The following SIRPA variants were observed in gnomAD, a reference collection of about 807,000 sequenced individuals.
The protein encoded by SIRPA is signal regulatory protein alpha.
A neutral mutation model predicts 50.3 loss-of-function variants in SIRPA; 9 were observed. The observed-to-expected ratio is 0.18, with a 90% CI of 0.11 to 0.31. The LOEUF (loss-of-function observed/expected upper bound fraction) is 0.31. SIRPA is among the 10% of genes least tolerant of loss of function. The probability of loss-of-function intolerance (pLI) is 1.00; values close to 1 mark genes in which losing one functional copy is unlikely to be tolerated. For missense variants in SIRPA, 474 were observed against 661.6 expected, an observed-to-expected ratio of 0.72 and a Z score of 3.11; for synonymous variants, 265 against 284.1, an observed-to-expected ratio of 0.93 and a Z score of 0.68.
chr20:1,937,406 G>A lies in SIRPA; in HGVS notation c.1353G>A (p.Thr451=), dbSNP rs149536101. 3.8e-4 allele frequency: 620 copies of A among 1,614,094 alleles called. 8 individuals are homozygous for A. In the South Asian group the frequency reaches 5.0e-3, roughly 13 times the overall value. ...APQAAEPNNH[T]EYASIQTSPQ... ...AGGCTGCGGAGCCCAACAACCACAC[G>A]GAGTATGCCAGCATTCAGACCAGCC... The change falls in exon 8 of 8, where the codon ACG becomes ACA. Residue 451 remains threonine (T), a synonymous_variant. Transcript: ENST00000358771. This position sits in a 1 kb window ranked among gnomAD's most constrained non-coding sequence, Gnocchi z 8.3.
In SIRPA at chr20:1,898,791, C is replaced by G. The variant is rs1475525917; in HGVS notation, c.79+3265C>G. ...GGTTTTGATGAAGTCACAGGCATTTCTCTGAAAGCCTGCTGAGGGTGGAAA... is the reference window on the plus strand; with the variant it reads ...GGTTTTGATGAAGTCACAGGCATTTGTCTGAAAGCCTGCTGAGGGTGGAAA... On this transcript the variant is annotated intron_variant, in intron 1 of 7. Transcript: ENST00000358771. This position sits in a 1 kb window ranked among gnomAD's most constrained non-coding sequence, Gnocchi z 4.3. 6.6e-6 allele frequency among the ~76,000 whole-genome samples: 1 copy of G among 152,006 alleles called. No individual in the cohort carries two copies. The highest frequency in any genetic ancestry group is 1.5e-5 in the Non-Finnish European group (1 of 68,028).
At position 1,928,353 on chromosome 20, in the gene SIRPA, C is replaced by T. The variant is rs1416003769; in HGVS notation, c.1226+454C>T. ...ATAGAATCTGTGCCCTCTGCAAGCT[C>T]ACAGCCTGGTCAGAGGCTCAGACGG... On this transcript the variant is annotated intron_variant, in intron 6 of 7. Transcript: ENST00000358771. This position sits in a 1 kb window ranked among gnomAD's most constrained non-coding sequence, Gnocchi z 4.9. Among the ~76,000 whole-genome samples the T allele has an allele frequency of 2.0e-5, 3 of 152,184 alleles. No homozygotes were observed. Among genetic ancestry groups the T allele is most frequent in the African/African-American group, 4.8e-5 (2 of 41,440 alleles).
At chr20:1,930,740 G>A (rs1222696917) in intron 6 of SIRPA, among the ~76,000 whole-genome samples, 3 of 152,078 alleles carry the variant, frequency 2.0e-5, no homozygotes, top group Admixed American at 6.6e-5. Context: ...ACAGGCATGC[G>A]CCACCACCCC....
In SIRPA at chr20:1,932,086, AG is replaced by A. The variant is rs1687387711; in HGVS notation, c.1227-2628del. 6.6e-6 allele frequency among the ~76,000 whole-genome samples: 1 copy of A among 152,120 alleles called. No individual in the cohort carries two copies. Among genetic ancestry groups the A allele is most frequent in the Non-Finnish European group, 1.5e-5 (1 of 68,028 alleles). On this transcript the variant is annotated intron_variant, in intron 6 of 7. Coordinates refer to ENST00000358771, the MANE Select transcript of SIRPA (RefSeq NM_001040023.2). The surrounding 1 kb of genome is among the most constrained non-coding windows in gnomAD (Gnocchi z 6.0). ...CATTCATTCATTCATTCATTCATTC[AG>A]CAAATACATATGGACTGCTGACGAT...
upstream of SIRPA, chr20:1,895,403 G>T: frequency 8.4e-7 from 1 of 1,190,670 alleles, no homozygotes; most frequent in Non-Finnish European, 1.1e-6. Context: ...CCGCCCGAGC[G>T]CGCACTCACG....
chr20:1,901,088 C>T (rs6111906), intron 1 of SIRPA, among the ~76,000 whole-genome samples: 35,644 of 151,478 alleles, frequency 0.24, 5,227 homozygotes, highest in African/African-American at 0.41. Context: ...GAAACTGAGG[C>T]CCAGTTGTGC....
chr20:1,935,055 C>T (rs1293840847), intron 7 of SIRPA, among the ~76,000 whole-genome samples: 2 of 151,820 alleles, frequency 1.3e-5, no homozygotes, highest in African/African-American at 2.4e-5. Flanking sequence ...TAGTGTGGAT[C>T]GTGCCTTCCC....
At chr20:1,935,546 G>A (rs1986528272) in intron 7 of SIRPA, among the ~76,000 whole-genome samples, 1 of 152,244 alleles carries the variant, frequency 6.6e-6, no homozygotes, top group Non-Finnish European at 1.5e-5. Flanking sequence ...TGTGACCCAT[G>A]GGGTCCCCCC....
chr20:1,894,705 G>A (rs1465097578), upstream of SIRPA: 1 of 148,936 alleles, frequency 6.7e-6, no homozygotes, highest in Non-Finnish European at 1.5e-5. This position sits in a 1 kb window ranked among gnomAD's most constrained non-coding sequence, Gnocchi z 4.0. Context: ...GCCGGCGCGG[G>A]GGAGGACGCT....
intron 1 of SIRPA, among the ~76,000 whole-genome samples, chr20:1,912,020 C>T (rs543513305): frequency 2.6e-5 from 4 of 151,862 alleles, no homozygotes; most frequent in East Asian, 1.9e-4. Context: ...TTGGCACTTA[C>T]GTCGCACTTT....
intron 1 of SIRPA, among the ~76,000 whole-genome samples, chr20:1,896,409 A>C (rs1983824816): frequency 8.3e-6 from 1 of 119,766 alleles, no homozygotes; most frequent in East Asian, 2.8e-4. Context: ...TGCTTCTTAA[A>C]TGGGTTTTGC....
chr20:1,897,436 C>G (rs1983897780), intron 1 of SIRPA, among the ~76,000 whole-genome samples: 1 of 152,212 alleles, frequency 6.6e-6, no homozygotes, highest in East Asian at 1.9e-4. Flanking sequence ...GGGTCCTGGT[C>G]ACACCATGGG....
At chr20:1,902,739 C>T (rs920012500) in intron 1 of SIRPA, among the ~76,000 whole-genome samples, 3 of 152,146 alleles carry the variant, frequency 2.0e-5, no homozygotes, top group Admixed American at 6.5e-5. Flanking sequence ...AGGCCAGGTG[C>T]GGTGGCTCAC....
chr20:1,911,961 A>AC, intron 1 of SIRPA, among the ~76,000 whole-genome samples: 1 of 151,070 alleles, frequency 6.6e-6, no homozygotes, highest in African/African-American at 2.4e-5. Flanking sequence ...AAAAAAAAAA[A>AC]CCCCTCTCTA....
chr20:1,923,014 C>G (rs1366484229), intron 4 of SIRPA, among the ~76,000 whole-genome samples: 1 of 79,720 alleles, frequency 1.3e-5, no homozygotes, highest in East Asian at 2.5e-4. Flanking sequence ...TGCCTCATCT[C>G]CCTGGCTGCC....
rs1252028389 is a variant in SIRPA, at chr20:1,927,171, G to A, written c.1202-704G>A. Among the ~76,000 whole-genome samples, 1 of 152,188 alleles carries A rather than the reference G, an allele frequency of 6.6e-6. No homozygotes were observed. The highest frequency in any genetic ancestry group is 1.5e-5 in the Non-Finnish European group (1 of 68,042). ...GGCAGCCTCCAGCCTATTAAAGTGC[G>A]GTGCAGAGTGCATTTGGGTGTGCAT... On this transcript the variant is annotated intron_variant, in intron 5 of 7. Coordinates refer to ENST00000358771, the MANE Select transcript of SIRPA (RefSeq NM_001040023.2). The surrounding 1 kb of genome is among the most constrained non-coding windows in gnomAD (Gnocchi z 6.5).
At chr20:1,895,772 A>G (rs1232518512) in intron 1 of SIRPA, among the ~76,000 whole-genome samples, 2 of 152,212 alleles carry the variant, frequency 1.3e-5, no homozygotes, top group African/African-American at 4.8e-5. Context: ...GACTCTGTGC[A>G]CTGTGCTGGG....
chr20:1,910,899 G>A (rs6035035), intron 1 of SIRPA, among the ~76,000 whole-genome samples: 105,764 of 151,984 alleles, frequency 0.7, 37,803 homozygotes, highest in African/African-American at 0.87. Context: ...TCATACAGAG[G>A]GTATAGATTT....
intron 1 of SIRPA, among the ~76,000 whole-genome samples, chr20:1,913,896 C>A (rs1985057366): frequency 6.6e-6 from 1 of 152,286 alleles, no homozygotes; most frequent in East Asian, 1.9e-4. Context: ...ACCCCAATCT[C>A]TCCACCCAGG....
Sources: allele counts gnomAD v4.1 joint callset (sites outside exome capture counted in the v4.1 genomes callset), GRCh38; gene constraint gnomAD v4.1.1; non-coding constraint Gnocchi (gnomAD v3.1); transcripts MANE v1.5; gene names NCBI Gene and HGNC (gene_info 2026-07-23, HGNC 2026-07-21).